Variants in CNTN5 observed in about 807,000 individuals in gnomAD.
CNTN5 encodes the protein contactin-5.
CNTN5 carries 77 observed loss-of-function variants against 129.1 expected under a neutral mutation model. The ratio of observed to expected loss-of-function variants is 0.60; its 90% CI spans 0.50 to 0.72. CNTN5 has a LOEUF of 0.72. CNTN5 is among the 30% of genes least tolerant of loss of function. The probability of loss-of-function intolerance (pLI) is 0.00; values close to 1 mark genes in which losing one functional copy is unlikely to be tolerated. For synonymous variants in CNTN5, 509 were observed against 465.6 expected (o/e 1.09, Z -1.20); for missense variants, 1,478 against 1,328.8 (o/e 1.11, Z -1.75).
intron 2 of CNTN5, among the ~76,000 whole-genome samples, chr11:99,478,799 T>C (rs900483556): frequency 6.6e-6 from 1 of 152,190 alleles, no homozygotes; most frequent in Non-Finnish European, 1.5e-5. Flanking sequence ...GAGTGATGTT[T>C]CCTACTTTTA....
At chr11:99,762,623 A>G (rs573297362) in intron 3 of CNTN5, among the ~76,000 whole-genome samples, 2 of 152,128 alleles carry the variant, frequency 1.3e-5, no homozygotes, top group African/African-American at 2.4e-5. Context: ...CCATTGATCA[A>G]TATCTCTGTT....
intron 8 of CNTN5, among the ~76,000 whole-genome samples, chr11:99,974,456 A>G (rs11222117): frequency 0.07 from 10,588 of 152,202 alleles, 382 homozygotes; most frequent in Middle Eastern, 0.082. Context: ...AATTTCATCA[A>G]TATTACCAGA....
At chr11:100,140,735 TAG>T (rs1233550031) in intron 13 of CNTN5, among the ~76,000 whole-genome samples, 1 of 152,068 alleles carries the variant, frequency 6.6e-6, no homozygotes, top group Admixed American at 6.6e-5. Context: ...TTAAGACAGA[TAG>T]AGTGTTAGAA....
chr11:99,317,242 A>G (rs147404899), intron 1 of CNTN5, among the ~76,000 whole-genome samples: 100 of 152,280 alleles, frequency 6.6e-4, no homozygotes, highest in Admixed American at 1.8e-3. Context: ...ATGAAATGAA[A>G]TATTTCAGCA....
At chr11:99,713,215 G>T (rs1343789775) in intron 3 of CNTN5, among the ~76,000 whole-genome samples, 1 of 151,958 alleles carries the variant, frequency 6.6e-6, no homozygotes, top group Non-Finnish European at 1.5e-5. Flanking sequence ...CTTGTAAGTC[G>T]GATTCCTAGG....
chr11:99,232,836 C>G (rs1008608913), intron 1 of CNTN5, among the ~76,000 whole-genome samples: 61 of 152,202 alleles, frequency 4.0e-4, no homozygotes, highest in African/African-American at 1.3e-3. Context: ...TTCTGTTATT[C>G]CCTACATGAT....
At chr11:99,186,103 T>A (rs898226734) in intron 1 of CNTN5, among the ~76,000 whole-genome samples, 2 of 152,008 alleles carry the variant, frequency 1.3e-5, no homozygotes, top group Middle Eastern at 3.4e-3. Flanking sequence ...GAAATTTTTC[T>A]TAGAGATAAT....
At chr11:99,758,330 CAG>C (rs1257836360) in intron 3 of CNTN5, among the ~76,000 whole-genome samples, 1 of 151,946 alleles carries the variant, frequency 6.6e-6, no homozygotes, top group African/African-American at 2.4e-5. Flanking sequence ...TTATGAAAAA[CAG>C]AAGTATTATA....
intron 1 of CNTN5, among the ~76,000 whole-genome samples, chr11:99,308,842 T>C (rs530680143): frequency 6.6e-6 from 1 of 152,110 alleles, no homozygotes; most frequent in African/African-American, 2.4e-5. Flanking sequence ...TATTTTTTCC[T>C]CCCAGCTTCA....
At chr11:99,943,595 T>G (rs1178606632) in intron 7 of CNTN5, among the ~76,000 whole-genome samples, 1 of 152,212 alleles carries the variant, frequency 6.6e-6, no homozygotes, top group Non-Finnish European at 1.5e-5. Context: ...GTTTCAGTCA[T>G]GAAGTCTTTG....
chr11:99,275,570 G>T (rs555175686), intron 1 of CNTN5, among the ~76,000 whole-genome samples: 12 of 151,688 alleles, frequency 7.9e-5, no homozygotes, highest in African/African-American at 2.9e-4. Flanking sequence ...TATTGTTAAT[G>T]ACTTCACAGG....
chr11:100,100,472 A>T (rs776412926), intron 13 of CNTN5, among the ~76,000 whole-genome samples: 1 of 152,118 alleles, frequency 6.6e-6, no homozygotes, highest in Non-Finnish European at 1.5e-5. Flanking sequence ...CATTTACCAT[A>T]GAACCCATTC....
At chr11:99,283,789 T>G (rs551390335) in intron 1 of CNTN5, among the ~76,000 whole-genome samples, 3 of 152,238 alleles carry the variant, frequency 2.0e-5, no homozygotes, top group African/African-American at 7.2e-5. Flanking sequence ...TGAGTGAATT[T>G]AGATTCAACT....
intron 17 of CNTN5, among the ~76,000 whole-genome samples, chr11:100,268,391 A>G (rs1175802189): frequency 1.3e-5 from 2 of 152,190 alleles, no homozygotes. Flanking sequence ...GCATTGTAAC[A>G]GTAAGAAGTT....
At chr11:100,297,584 G>C (rs1951123023) in intron 18 of CNTN5, 41 bp from the exon 19 acceptor site, 1 of 1,328,120 alleles carries the variant, frequency 7.5e-7, no homozygotes, top group Non-Finnish European at 1.0e-6. Context: ...CGTAGGTTGG[G>C]AGTTTTTTTC....
chr11:99,186,441 C>T (rs188969131), intron 1 of CNTN5, among the ~76,000 whole-genome samples: 76 of 151,976 alleles, frequency 5.0e-4, no homozygotes, highest in African/African-American at 1.6e-3. Flanking sequence ...AAATACTGTT[C>T]TGTTGATAAG....
chr11:100,312,432 C>T (rs1257918024), intron 21 of CNTN5, among the ~76,000 whole-genome samples: 1 of 151,976 alleles, frequency 6.6e-6, no homozygotes, highest in Non-Finnish European at 1.5e-5. Context: ...ACTTACTGCT[C>T]TCCTCTTCTC....
chr11:99,842,768 C>T (rs182980418), intron 4 of CNTN5, among the ~76,000 whole-genome samples: 270 of 152,186 alleles, frequency 1.8e-3, no homozygotes, highest in Non-Finnish European at 2.5e-3. Flanking sequence ...TTTATAAACT[C>T]ATAATGCAAC....
intron 3 of CNTN5, among the ~76,000 whole-genome samples, chr11:99,563,597 G>C (rs1306469923): frequency 6.6e-6 from 1 of 152,116 alleles, no homozygotes. Flanking sequence ...CAATTCCAAG[G>C]GTTAGAGCTC....
Sources: gnomAD v4.1 joint callset for allele counts (sites outside exome capture counted in the v4.1 genomes callset) on GRCh38, gnomAD v4.1.1 for gene constraint, MANE v1.5 for transcripts, NCBI Gene and HGNC (gene_info 2026-07-23, HGNC 2026-07-21) for gene names.